PTPRG: variants seen among roughly 807,000 people sequenced by gnomAD.
PTPRG encodes protein tyrosine phosphatase receptor type G.
In PTPRG, 102 loss-of-function variants were observed where a neutral mutation model predicts 165.3. The ratio of observed to expected loss-of-function variants is 0.62; its 90% CI spans 0.53 to 0.73. The LOEUF is 0.73. Ranked by LOEUF, PTPRG falls within the 30% of genes least tolerant of loss-of-function variation. The pLI, the probability that PTPRG is intolerant of heterozygous loss-of-function variation, is 0.00. For missense variants in PTPRG, 1,866 were observed against 1,861.4 expected, an observed-to-expected ratio of 1.00 and a Z score of -0.05; for synonymous variants, 675 against 669.5, an observed-to-expected ratio of 1.01 and a Z score of -0.13.
chr3:62,061,775 C>T (rs942470990), intron 4 of PTPRG, among the ~76,000 whole-genome samples: 5 of 103,776 alleles, frequency 4.8e-5, no homozygotes, highest in Admixed American at 3.6e-4. Context: ...ATTATAGGCG[C>T]CCGCCACCAC....
intron 2 of PTPRG, among the ~76,000 whole-genome samples, chr3:61,764,408 A>G (rs1232881635): frequency 1.3e-5 from 2 of 152,220 alleles, no homozygotes; most frequent in African/African-American, 2.4e-5. Context: ...GCTAACTACA[A>G]CAGAGAACAA....
intron 1 of PTPRG, among the ~76,000 whole-genome samples, chr3:61,707,589 T>G (rs2031327756): frequency 1.3e-5 from 2 of 152,196 alleles, no homozygotes; most frequent in Non-Finnish European, 2.9e-5. Context: ...TTCAGCTGAT[T>G]AGGTGATCCC....
At chr3:61,575,027 T>A (rs967726299) in intron 1 of PTPRG, among the ~76,000 whole-genome samples, 1 of 152,184 alleles carries the variant, frequency 6.6e-6, no homozygotes, top group Non-Finnish European at 1.5e-5. Flanking sequence ...CACCACCATG[T>A]TGAGGATCAA....
intron 2 of PTPRG, among the ~76,000 whole-genome samples, chr3:61,839,128 A>C (rs958427915): frequency 6.6e-6 from 1 of 152,206 alleles, no homozygotes; most frequent in African/African-American, 2.4e-5. Context: ...ATAATAGATA[A>C]ACTTTCAATT....
Position 62,218,883 on chromosome 3 carries a change from C to T in PTPRG, c.2188C>T (p.Pro730Ser). ...AAACACCTCTGGAATGATAAGCCGC[C>T]CTGCTCCAGGGAGGATGGAGTGGAT... The part of the protein sequence containing the change: ...EKNTSGMISR[P>S]APGRMEWIIP... Residue 730 changes from proline to serine, a missense_variant, in exon 13 of 30, where the codon CCT (proline) becomes TCT (serine). Around this residue, in one of 3 missense-constraint regions of PTPRG, gnomAD observed 1,452 missense variants for 1,463.0 expected, o/e 0.99. Coordinates refer to ENST00000474889, the MANE Select transcript of PTPRG (RefSeq NM_002841.4). 6.2e-7 allele frequency: 1 copy of T among 1,613,996 alleles called. No individual in the cohort carries two copies. The highest frequency in any genetic ancestry group is 8.5e-7 in the Non-Finnish European group (1 of 1,179,922).
chr3:62,202,212 T>A (rs1416292200), intron 11 of PTPRG, among the ~76,000 whole-genome samples: 1 of 152,134 alleles, frequency 6.6e-6, no homozygotes, highest in Non-Finnish European at 1.5e-5. Context: ...GAGCAGCACT[T>A]CTTGTTTTCC....
At chr3:61,940,652 TATTTATTTA>T (rs2039598975) in intron 2 of PTPRG, among the ~76,000 whole-genome samples, 1 of 150,006 alleles carries the variant, frequency 6.7e-6, no homozygotes, top group African/African-American at 2.4e-5. Flanking sequence ...TAGATGCTTT[TATTTATTTA>T]TTTATTTATT....
intron 1 of PTPRG, among the ~76,000 whole-genome samples, chr3:61,727,102 T>G (rs1465583673): frequency 6.6e-6 from 1 of 151,978 alleles, no homozygotes; most frequent in Non-Finnish European, 1.5e-5. Flanking sequence ...TGATTTTCTG[T>G]GGCATTTTTC....
chr3:61,989,715 G>A lies in PTPRG; in HGVS notation c.281G>A (p.Arg94His), dbSNP rs751803837. Residue 94 changes from arginine (R) to histidine (H), a missense_variant, in exon 3 of 30, where the codon CGT becomes CAT. Arg to His is a conservative substitution (Grantham distance 29). Around this residue, in one of 3 missense-constraint regions of PTPRG, gnomAD observed 408 missense variants for 376.2 expected, o/e 1.08. Coordinates refer to ENST00000474889, the MANE Select transcript of PTPRG (RefSeq NM_002841.4). ...ATTGACATTTTAGACCAGTATGCGC[G>A]TGTTGGGGAAGAATACCAGGAACTG... is the stretch of plus-strand genomic sequence containing the variant. The part of the protein sequence containing the change: ...SPIDILDQYA[R>H]VGEEYQELQL... 1.7e-5 allele frequency: 27 copies of A among 1,614,020 alleles called. No homozygotes were observed. Among genetic ancestry groups the A allele is most frequent in the East Asian group, 6.7e-5 (3 of 44,892 alleles).
intron 1 of PTPRG, among the ~76,000 whole-genome samples, chr3:61,663,828 A>G (rs916230605): frequency 3.9e-5 from 6 of 152,126 alleles, no homozygotes; most frequent in Non-Finnish European, 5.9e-5. Flanking sequence ...TTTTGCTCCT[A>G]TGAGAATCTA....
At chr3:61,780,113 A>T (rs2034502224) in intron 2 of PTPRG, among the ~76,000 whole-genome samples, 1 of 152,250 alleles carries the variant, frequency 6.6e-6, no homozygotes, top group Non-Finnish European at 1.5e-5. Context: ...TCATTGCCAG[A>T]CGTGGAAGTC....
In PTPRG at chr3:61,651,775, C is replaced by T. The variant is rs148862653; in HGVS notation, c.85+89403C>T. ...CTGGAATCCCAGCACTTTGGGAGGC[C>T]GAGGTAGGTGGATCACTTGAGGTCA... is the stretch of plus-strand genomic sequence containing the variant. On this transcript the variant is annotated intron_variant, in intron 1 of 29. Transcript: ENST00000474889. Among the ~76,000 whole-genome samples the T allele has an allele frequency of 4.1e-3, 629 of 152,026 alleles. 2 individuals carry two copies. Among genetic ancestry groups the T allele is most frequent in the African/African-American group, 8.9e-3 (371 of 41,504 alleles).
At chr3:61,827,460 C>G (rs1256035846) in intron 2 of PTPRG, among the ~76,000 whole-genome samples, 1 of 152,166 alleles carries the variant, frequency 6.6e-6, no homozygotes, top group East Asian at 1.9e-4. Context: ...GGATCCCAGC[C>G]TCACTCATGG....
chr3:62,240,874 T>G lies in PTPRG; in HGVS notation c.2376-2933T>G, dbSNP rs1022790433. ...CACCACATCATTCTTATTTTCTTCA[T>G]TGCTCTTGACTATTTGAAGCAATTT... On this transcript the variant is annotated intron_variant, in intron 14 of 29. Transcript: ENST00000474889. The surrounding 1 kb of genome is among the most constrained non-coding windows in gnomAD (Gnocchi z 5.1). Among the ~76,000 whole-genome samples the G allele has an allele frequency of 1.3e-5, 2 of 152,232 alleles. No homozygotes were observed. The highest frequency in any genetic ancestry group is 6.5e-5 in the Admixed American group (1 of 15,284).
chr3:62,296,574 C>T lies in PTPRG; in HGVS notation c.*3267C>T, dbSNP rs575546626. Reference sequence around the variant, plus strand: ...GAATTTAGTGGTTATACTGGAAATGCATTTTCAACTCCTATGTTCTAAAGT... The same window carrying T: ...GAATTTAGTGGTTATACTGGAAATGTATTTTCAACTCCTATGTTCTAAAGT... On this transcript the variant is annotated 3_prime_UTR_variant, in exon 30 of 30. Transcript: ENST00000474889. 271 of 150,572 alleles carry T rather than the reference C, an allele frequency of 1.8e-3. No individual in the cohort carries two copies. The highest frequency in any genetic ancestry group is 6.4e-3 in the African/African-American group (261 of 41,098). 9.3% of individuals were successfully genotyped at this position (150,572 alleles called of 1,614,324 possible).
Position 61,706,133 on chromosome 3 carries a change from T to C in PTPRG, c.86-42745T>C, listed in dbSNP as rs75247679. ...AAATGCTTGCCATCTATCGACACTT[T>C]GCAGTGCCTTAAAGAGAGCTTTTAA... On this transcript the variant is annotated intron_variant, in intron 1 of 29. Coordinates refer to ENST00000474889, the MANE Select transcript of PTPRG (RefSeq NM_002841.4). Among the ~76,000 whole-genome samples the C allele has an allele frequency of 3.9e-3, 596 of 152,194 alleles. 6 individuals carry two copies. Among genetic ancestry groups the C allele is most frequent in the African/African-American group, 0.014 (568 of 41,506 alleles).
At chr3:61,879,124 G>T (rs1165350780) in intron 2 of PTPRG, among the ~76,000 whole-genome samples, 2 of 152,140 alleles carry the variant, frequency 1.3e-5, no homozygotes, top group African/African-American at 4.8e-5. Flanking sequence ...TGAACCAAAG[G>T]TGTAAAAATT....
chr3:61,607,166 T>G (rs1318542433), intron 1 of PTPRG, among the ~76,000 whole-genome samples: 1 of 152,148 alleles, frequency 6.6e-6, no homozygotes, highest in African/African-American at 2.4e-5. Flanking sequence ...ATCAACTTGG[T>G]TATCATTCTA....
rs953331763 is a variant in PTPRG, at chr3:62,195,978, G to A, written c.1327+808G>A. 4.6e-5 allele frequency among the ~76,000 whole-genome samples: 7 copies of A among 151,494 alleles called. No homozygotes were observed. The highest frequency in any genetic ancestry group is 2.1e-4 in the South Asian group (1 of 4,764). ...AATTTTTTGTATTTTTACTAGAGAC[G>A]GGGGTTTCACCATGTTGGCCAGGCT... On this transcript the variant is annotated intron_variant, in intron 10 of 29. Coordinates refer to ENST00000474889, the MANE Select transcript of PTPRG (RefSeq NM_002841.4). This position sits in a 1 kb window ranked among gnomAD's most constrained non-coding sequence, Gnocchi z 4.4.
Sources: allele counts gnomAD v4.1 joint callset (sites outside exome capture counted in the v4.1 genomes callset), GRCh38; gene constraint gnomAD v4.1.1; regional missense constraint gnomAD v4.1.1; non-coding constraint Gnocchi (gnomAD v3.1); transcripts MANE v1.5; gene names NCBI Gene and HGNC (gene_info 2026-07-23, HGNC 2026-07-21).